The following USP24 variants were observed in gnomAD, a reference collection of about 807,000 sequenced individuals.
USP24 encodes ubiquitin specific peptidase 24, also known as ubiquitin carboxyl-terminal hydrolase 24.
In USP24, 97 loss-of-function variants were observed where a neutral mutation model predicts 361.6. The observed-to-expected ratio is 0.27, with a 90% confidence interval of 0.23 to 0.32. The LOEUF is 0.32. Among genes scored for constraint, USP24 ranks in the 10% least tolerant of loss-of-function variants. The probability of loss-of-function intolerance (pLI) is 1.00; values close to 1 mark genes in which losing one functional copy is unlikely to be tolerated. For synonymous variants in USP24, 1,098 were observed against 1,124.6 expected, an observed-to-expected ratio of 0.98 and a Z score of 0.47; for missense variants, 2,353 against 3,165.6, an observed-to-expected ratio of 0.74 and a Z score of 6.16.
At chr1:55,211,854 C>T (rs1178130690) in intron 1 of USP24, among the ~76,000 whole-genome samples, 1 of 152,188 alleles carries the variant, frequency 6.6e-6, no homozygotes, top group Admixed American at 6.5e-5. Flanking sequence ...AAGACAATGA[C>T]ACTGAAATGT....
intron 51 of USP24, among the ~76,000 whole-genome samples, chr1:55,094,443 G>T (rs183407109): frequency 7.2e-5 from 11 of 152,000 alleles, no homozygotes; most frequent in Non-Finnish European, 1.3e-4. Context: ...CATTAAAAAA[G>T]CAGTGAAATA....
chr1:55,143,055 T>G lies in USP24; in HGVS notation c.2504A>C (p.Asp835Ala). 3 of 1,535,212 alleles carry G rather than the reference T, an allele frequency of 2.0e-6. No individual in the cohort carries two copies. Among genetic ancestry groups the G allele is most frequent in the Non-Finnish European group, 2.6e-6 (3 of 1,142,420 alleles). Residue 835 changes from aspartate (D) to alanine (A), a missense_variant, in exon 22 of 68, where the codon GAT becomes GCT. By Grantham distance (126) the Asp-to-Ala change is moderately radical (BLOSUM62 -2). Around this residue, in one of 8 missense-constraint regions of USP24, gnomAD observed 949 missense variants for 1,280.5 expected, o/e 0.74. Transcript: ENST00000294383. ...AATAGCTTCATTAGCAATTTCTTCA[T>G]CAGGTGATTCCATGGCTATTTTCCA... ...FIWKIAMESP[D>A]EEIANEAIQL...
chr1:55,149,709 T>C (rs1214800326), intron 16 of USP24, among the ~76,000 whole-genome samples: 2 of 152,234 alleles, frequency 1.3e-5, no homozygotes, highest in African/African-American at 2.4e-5. Flanking sequence ...TAAGTTTTTA[T>C]ATAGCTGTGC....
At chr1:55,132,804 G>A in intron 30 of USP24, 104 bp from the exon 31 acceptor site, 3 of 1,145,710 alleles carry the variant, frequency 2.6e-6, no homozygotes, top group Middle Eastern at 2.1e-4. Context: ...TTTAATATAA[G>A]CCACACCAAT....
intron 62 of USP24, among the ~76,000 whole-genome samples, chr1:55,075,975 C>G (rs946106954): frequency 6.6e-6 from 1 of 151,850 alleles, no homozygotes; most frequent in East Asian, 1.9e-4. Context: ...AAAAAGAAAA[C>G]AAAACAAAAC....
At chr1:55,079,080 C>T (rs761563885) in intron 60 of USP24, among the ~76,000 whole-genome samples, 10 of 151,782 alleles carry the variant, frequency 6.6e-5, no homozygotes, top group Non-Finnish European at 1.5e-4. Flanking sequence ...ATGGAGTCCA[C>T]AGCTGGGGGC....
chr1:55,098,630 C>G (rs2100498606), intron 45 of USP24, 72 bp from the exon 46 acceptor site: 2 of 1,133,434 alleles, frequency 1.8e-6, no homozygotes, highest in Non-Finnish European at 2.6e-6. Flanking sequence ...TTTATTAACA[C>G]ATTGCAATTT....
Position 55,071,878 on chromosome 1 carries a change from G to C in USP24, c.7736C>G (p.Ser2579Ter). The part of the protein sequence containing the change: ...ATALLNEKEQ[S>*]GSSNGSESSP... Reference sequence around the variant, plus strand: ...ACTCTCCGACCCATTACTGCTTCCTGATTGCTCTTTTTCATTCAACAAAGC... The same window carrying C: ...ACTCTCCGACCCATTACTGCTTCCTCATTGCTCTTTTTCATTCAACAAAGC... The change falls in exon 67 of 68, where the codon TCA becomes TGA. Residue 2579 changes from serine to a stop codon, truncating the protein, a stop_gained. Transcript: ENST00000294383. LOFTEE classifies it high-confidence loss of function. The C allele has an allele frequency of 6.2e-7, 1 of 1,613,264 alleles. No individual in the cohort carries two copies. Among genetic ancestry groups the C allele is most frequent in the Non-Finnish European group, 8.5e-7 (1 of 1,179,684 alleles).
intron 1 of USP24, among the ~76,000 whole-genome samples, chr1:55,186,118 C>T (rs1025521174): frequency 6.6e-5 from 10 of 152,092 alleles, no homozygotes; most frequent in Non-Finnish European, 1.3e-4. Flanking sequence ...TTATACAAAA[C>T]GTTTAAAGAA....
intron 46 of USP24, 79 bp downstream of exon 46, chr1:55,098,397 A>G: frequency 7.6e-7 from 1 of 1,314,386 alleles, no homozygotes; most frequent in Non-Finnish European, 1.1e-6. Context: ...CTCTTAACAA[A>G]TGCAAAATTT....
At chr1:55,110,632 T>C (rs181456860) in intron 38 of USP24, among the ~76,000 whole-genome samples, 1 of 152,214 alleles carries the variant, frequency 6.6e-6, no homozygotes, top group African/African-American at 2.4e-5. Context: ...AACAACAAAT[T>C]AGAAATATAC....
At position 55,147,544 on chromosome 1, in the gene USP24, C is replaced by T; in HGVS notation, c.2118+105G>A. The T allele has an allele frequency of 7.1e-6, 9 of 1,264,540 alleles. No individual in the cohort carries two copies. The South Asian group carries it at 1.9e-4, about 27-fold the overall frequency. 78.3% of individuals were successfully genotyped at this position (1,264,540 alleles called of 1,614,324 possible). ...TCCCTCACTACAAAGATACCTCATA[C>T]AACCTCTTTATAGTTACAGCTAACA... On this transcript the variant is annotated intron_variant, in intron 18 of 67. Transcript: ENST00000294383.
rs1392945175 is a variant in USP24 at position 55,098,657 on chromosome 1, C to T, written c.5371-99G>A. 153 of 842,786 alleles carry T rather than the reference C, an allele frequency of 1.8e-4. 1 individual carries two copies. The highest frequency in any genetic ancestry group is 1.8e-3 in the South Asian group (115 of 65,056). 52.2% of individuals were successfully genotyped at this position (842,786 alleles called of 1,614,324 possible). A position where few individuals can be genotyped will look rare whatever the true frequency, so the allele number is the denominator to read the frequency against. On this transcript the variant is annotated intron_variant, in intron 45 of 67. Coordinates refer to ENST00000294383, the MANE Select transcript of USP24 (RefSeq NM_015306.3). ...TTGCAATTTAAGGACCAAAACAAAA[C>T]GCGTCATTCTGGTAGTATCAGCTGT...
chr1:55,107,854 A>AAAAAC (rs1645828850), intron 39 of USP24, among the ~76,000 whole-genome samples: 1 of 148,714 alleles, frequency 6.7e-6, no homozygotes, highest in Non-Finnish European at 1.5e-5. Context: ...AAAAAAAAAA[A>AAAAAC]AAAAAAAAAA....
At chr1:55,134,250 AT>A in intron 29 of USP24, 77 bp downstream of exon 29, 1 of 1,561,024 alleles carries the variant, frequency 6.4e-7, no homozygotes, top group Non-Finnish European at 8.7e-7. Context: ...AATAAAATGC[AT>A]TTCAAGTGAA....
chr1:55,120,485 AAG>A (rs1646248780), intron 38 of USP24, 109 bp downstream of exon 38: 35 of 1,282,018 alleles, frequency 2.7e-5, no homozygotes, highest in Non-Finnish European at 3.5e-5. Flanking sequence ...CAGAAGAAGA[AAG>A]AAATTCTAGT....
At chr1:55,099,689 A>G in intron 45 of USP24, 82 bp downstream of exon 45, 1 of 985,454 alleles carries the variant, frequency 1.0e-6, no homozygotes, top group Non-Finnish European at 1.5e-6. Flanking sequence ...TCAGTTTCAT[A>G]GTAACCCCAA....
intron 1 of USP24, among the ~76,000 whole-genome samples, chr1:55,209,461 G>A (rs1037800255): frequency 2.6e-5 from 4 of 152,138 alleles, no homozygotes; most frequent in Non-Finnish European, 2.9e-5. Flanking sequence ...TGGTTGAGTC[G>A]GCTTTTAAAG....
At chr1:55,172,900 G>A (rs950620781) in intron 3 of USP24, among the ~76,000 whole-genome samples, 1 of 152,066 alleles carries the variant, frequency 6.6e-6, no homozygotes, top group Non-Finnish European at 1.5e-5. Flanking sequence ...AGTTCTCAAC[G>A]GCTCAGTTCT....
Sources: gnomAD v4.1 joint callset for allele counts (sites outside exome capture counted in the v4.1 genomes callset) on GRCh38, gnomAD v4.1.1 for gene constraint, gnomAD v4.1.1 regional missense constraint, MANE v1.5 for transcripts, NCBI Gene and HGNC (gene_info 2026-07-23, HGNC 2026-07-21) for gene names.